Variants in SYNE2 observed in about 807,000 individuals in gnomAD.
The protein encoded by SYNE2 is spectrin repeat containing nuclear envelope protein 2, also known as nesprin-2.
Under a neutral mutation model 856.3 loss-of-function variants are expected in SYNE2, and 431 were observed. The observed-to-expected ratio is 0.50, with a 90% confidence interval of 0.47 to 0.55. The LOEUF is 0.55. Ranked by LOEUF, SYNE2 falls within the 20% of genes least tolerant of loss-of-function variation. The pLI is 0.00. For missense variants in SYNE2, 8,129 were observed against 8,023.2 expected (o/e 1.01, Z -0.50); for synonymous variants, 2,923 against 2,872.3 (o/e 1.02, Z -0.56).
chr14:63,981,301 T>C lies in SYNE2; in HGVS notation c.1836+128T>C. On this transcript the variant is annotated intron_variant, in intron 16 of 115. Coordinates refer to ENST00000555002, the MANE Select transcript of SYNE2 (RefSeq NM_182914.3). Reference sequence around the variant, plus strand: ...CAGTGTTTTGGAAAATTCTTCAAGGTCTTGGAAAGAATTTAGTTTCTTCCT... The same window carrying C: ...CAGTGTTTTGGAAAATTCTTCAAGGCCTTGGAAAGAATTTAGTTTCTTCCT... The C allele has an allele frequency of 7.3e-6, 6 of 823,790 alleles. No individual in the cohort carries two copies. In the South Asian group the frequency reaches 9.3e-5, roughly 13 times the overall value. The allele number at this position is 823,790 out of a possible 1,614,324, so 51.0% of individuals were successfully genotyped here.
chr14:63,816,235 C>G (rs1470085053), intron 1 of SYNE2, among the ~76,000 whole-genome samples: 1 of 152,138 alleles, frequency 6.6e-6, no homozygotes, highest in African/African-American at 2.4e-5. Context: ...GCGTGAGCCA[C>G]CATGCCTGGC....
Position 64,126,454 on chromosome 14 carries a change from G to A in SYNE2, c.13682G>A (p.Gly4561Asp), listed in dbSNP as rs1349311517. ...LEMPRLYRED[G>D]SGQQVHYETL... is the part of the protein sequence containing the mutation. ...ATGCCCAGACTTTACAGGGAGGATG[G>A]TTCTGGCCAGCAGGTGCACTACGAG... Residue 4561 changes from glycine (G) to aspartate (D), a missense_variant, in exon 72 of 116, where the codon GGT (glycine) becomes GAT (aspartate). Gly to Asp is a moderately conservative substitution (Grantham distance 94, BLOSUM62 -1). Transcript: ENST00000555002. The A allele has an allele frequency of 6.2e-7, 1 of 1,614,102 alleles. No homozygotes were observed. Among genetic ancestry groups the A allele is most frequent in the Non-Finnish European group, 8.5e-7 (1 of 1,179,996 alleles).
intron 1 of SYNE2, among the ~76,000 whole-genome samples, chr14:63,775,788 G>A (rs992417117): frequency 6.6e-6 from 1 of 152,038 alleles, no homozygotes; most frequent in Non-Finnish European, 1.5e-5. Flanking sequence ...GTAGACATGG[G>A]GTCCCACTAT....
intron 1 of SYNE2, among the ~76,000 whole-genome samples, chr14:63,825,289 G>T (rs1161737503): frequency 1.3e-5 from 2 of 151,760 alleles, no homozygotes; most frequent in South Asian, 2.1e-4. Flanking sequence ...AATTACCAAG[G>T]TTGGAAGGAA....
rs779215485 is a variant in SYNE2, at chr14:64,016,599, G to A, written c.4855G>A (p.Glu1619Lys). 6.2e-7 allele frequency: 1 copy of A among 1,600,672 alleles called. No individual in the cohort carries two copies. The highest frequency in any genetic ancestry group is 8.5e-7 in the Non-Finnish European group (1 of 1,171,724). ...KTFEEPPFEK[E>K]ANIIVDRWLD... ...TTTTGAAGAGCCCCCTTTTGAAAAA[G>A]AGGCTAATATTATTGTGGATAGATG... is the stretch of plus-strand genomic sequence containing the variant. Residue 1619 changes from glutamate to lysine, a missense_variant, in exon 33 of 116, where the codon GAG (glutamate) becomes AAG (lysine). Transcript: ENST00000555002.
In SYNE2 at chr14:64,053,217, A is replaced by G; in HGVS notation, c.9304A>G (p.Ile3102Val). Residue 3102 changes from isoleucine to valine, a missense_variant, in exon 48 of 116, where the codon ATA becomes GTA. By Grantham distance (29) the Ile-to-Val change is conservative. Around this residue, in one of 3 missense-constraint regions of SYNE2, gnomAD observed 5,410 missense variants for 5,284.8 expected, o/e 1.02. Coordinates refer to ENST00000555002, the MANE Select transcript of SYNE2 (RefSeq NM_182914.3). ...EKAKCLCDEI[I>V]KKLNENKTFD... is the part of the protein sequence containing the mutation. ...AGCCAAGTGTTTATGTGATGAGATA[A>G]TAAAGAAATTAAATGAAAATAAGAC... 1 of 1,613,070 alleles carries G rather than the reference A, an allele frequency of 6.2e-7. No individual in the cohort carries two copies. Among genetic ancestry groups the G allele is most frequent in the Non-Finnish European group, 8.5e-7 (1 of 1,179,694 alleles).
chr14:64,119,417 T>C lies in SYNE2; in HGVS notation c.12841-10T>C, dbSNP rs1387619527. The C allele has an allele frequency of 5.6e-6, 9 of 1,614,022 alleles. No individual in the cohort carries two copies. The Admixed American group carries it at 1.5e-4, about 27-fold the overall frequency. On this transcript the variant is annotated splice_polypyrimidine_tract_variant and intron_variant, in intron 66 of 115. Coordinates refer to ENST00000555002, the MANE Select transcript of SYNE2 (RefSeq NM_182914.3). The stretch of plus-strand genomic sequence containing the variant: ...AACATTATGAATAATTAAATGCTTT[T>C]ATTTCCTAGGCTATGCTAACAGAGA...
intron 1 of SYNE2, among the ~76,000 whole-genome samples, chr14:63,908,683 G>A (rs542945001): frequency 2.6e-5 from 4 of 152,276 alleles, no homozygotes; most frequent in Non-Finnish European, 5.9e-5. Flanking sequence ...GGGCAGAAAA[G>A]GAACTAAGTT....
intron 94 of SYNE2, chr14:64,174,030 T>C (rs918633929): frequency 2.4e-5 from 15 of 617,526 alleles, no homozygotes; most frequent in East Asian, 5.7e-5. Context: ...CACTAAAATA[T>C]AGAAAAAAAT....
At chr14:63,934,222 C>T (rs2095801300) in intron 2 of SYNE2, among the ~76,000 whole-genome samples, 1 of 152,172 alleles carries the variant, frequency 6.6e-6, no homozygotes. Context: ...TGTGCACTGT[C>T]TCCTTTGCTA....
intron 14 of SYNE2, among the ~76,000 whole-genome samples, chr14:63,979,867 C>T (rs763173873): frequency 7.9e-5 from 12 of 152,008 alleles, no homozygotes; most frequent in Non-Finnish European, 1.3e-4. Flanking sequence ...TGGCACTGCA[C>T]TGCACTCCAG....
chr14:64,023,610 A>T (rs1334416333), intron 38 of SYNE2: 1 of 154,162 alleles, frequency 6.5e-6, no homozygotes, highest in Non-Finnish European at 1.4e-5. Context: ...AACGTAGTGG[A>T]GGATATCCTG....
chr14:63,918,307 C>T (rs923599410), intron 2 of SYNE2, among the ~76,000 whole-genome samples: 5 of 152,182 alleles, frequency 3.3e-5, no homozygotes, highest in Admixed American at 6.5e-5. Context: ...CTGTTCAAAA[C>T]ATTATTTCCC....
Position 64,159,373 on chromosome 14 carries a change from G to A in SYNE2, c.16025G>A (p.Gly5342Asp). The A allele has an allele frequency of 8.7e-6, 14 of 1,613,946 alleles. No homozygotes were observed. The highest frequency in any genetic ancestry group is 1.1e-5 in the Non-Finnish European group (13 of 1,179,880). The change falls in exon 87 of 116, where the codon GGC becomes GAC. Residue 5342 changes from glycine (G) to aspartate (D), a missense_variant. Around this residue, in one of 3 missense-constraint regions of SYNE2, gnomAD observed 5,410 missense variants for 5,284.8 expected, o/e 1.02. Transcript: ENST00000555002. ...GSWEKLQEVI[G>D]KLKGLCPSVA... ...TGGGAGAAACTCCAGGAGGTTATCG[G>A]CAAACTCAAAGGTCTCTGCCCCTCT...
chr14:64,191,999 TG>T (rs2098520919), intron 99 of SYNE2, among the ~76,000 whole-genome samples: 1 of 152,214 alleles, frequency 6.6e-6, no homozygotes, highest in Non-Finnish European at 1.5e-5. Context: ...GCCTTTGGTA[TG>T]GGGCCAGCAC....
intron 60 of SYNE2, among the ~76,000 whole-genome samples, chr14:64,092,564 A>T (rs2097633189): frequency 6.6e-6 from 1 of 152,248 alleles, no homozygotes; most frequent in Non-Finnish European, 1.5e-5. Context: ...AATATTAAAG[A>T]AAATACAAGG....
At position 64,212,999 on chromosome 14, in the gene SYNE2, C is replaced by T. The variant is rs779964455; in HGVS notation, c.19050C>T (p.Cys6350=). The T allele has an allele frequency of 1.2e-6, 2 of 1,613,218 alleles. No homozygotes were observed. Among genetic ancestry groups the T allele is most frequent in the South Asian group, 2.2e-5 (2 of 91,044 alleles). Residue 6350 remains cysteine, a synonymous_variant, in exon 105 of 116, where the codon TGC becomes TGT. Transcript: ENST00000555002. ...VSRFHRRLTS[C]TPGLEDEKEA... is the part of the protein sequence containing the mutation. ...GGTTCCACCGGCGGCTCACCTCCTG[C>T]ACTCCGGTACGGGCACTGCTGCCTA...
intron 63 of SYNE2, among the ~76,000 whole-genome samples, chr14:64,101,166 C>A (rs1457332352): frequency 6.6e-6 from 1 of 152,202 alleles, no homozygotes; most frequent in East Asian, 1.9e-4. Flanking sequence ...TGGATATGTA[C>A]TCAGTAGTGG....
At chr14:63,988,816 G>A (rs969388637) in intron 19 of SYNE2, among the ~76,000 whole-genome samples, 4 of 152,058 alleles carry the variant, frequency 2.6e-5, no homozygotes, top group African/African-American at 4.8e-5. Flanking sequence ...ATCAGATCTC[G>A]TGAAACTTAT....
Sources: allele counts gnomAD v4.1 joint callset (sites outside exome capture counted in the v4.1 genomes callset), GRCh38; gene constraint gnomAD v4.1.1; regional missense constraint gnomAD v4.1.1; transcripts MANE v1.5; gene names NCBI Gene and HGNC (gene_info 2026-07-23, HGNC 2026-07-21).